ALPL: variants seen among roughly 807,000 people sequenced by gnomAD.
ALPL encodes the protein alkaline phosphatase, biomineralization associated, also known as alkaline phosphatase, tissue-nonspecific isozyme.
A neutral mutation model predicts 51.3 loss-of-function variants in ALPL; 42 were observed. That is an observed-to-expected ratio of 0.82 (90% CI 0.64 to 1.06). ALPL has a LOEUF of 1.06. Among genes scored for constraint, ALPL ranks in the 50% least tolerant of loss-of-function variants. ALPL has a pLI of 0.00. For synonymous variants in ALPL, 279 were observed against 296.4 expected, an observed-to-expected ratio of 0.94 and a Z score of 0.60; for missense variants, 589 against 709.4, an observed-to-expected ratio of 0.83 and a Z score of 1.93.
intron 8 of ALPL, among the ~76,000 whole-genome samples, chr1:21,571,491 T>C (rs1644647352): frequency 1.3e-5 from 2 of 149,626 alleles, no homozygotes. Flanking sequence ...GCTAACGAGG[T>C]GAAACCCCAT....
At chr1:21,574,103 C>G (rs546009801) in intron 9 of ALPL, 1 of 985,462 alleles carries the variant, frequency 1.0e-6, no homozygotes, top group South Asian at 4.7e-5. Flanking sequence ...GGGCAAGCAG[C>G]CCCTCAGCCT....
chr1:21,556,329 T>C (rs915302906), intron 2 of ALPL, among the ~76,000 whole-genome samples: 5 of 152,182 alleles, frequency 3.3e-5, no homozygotes, highest in Non-Finnish European at 7.4e-5. Context: ...TTAAAACAGC[T>C]TCAGCAGACC....
chr1:21,555,695 G>A (rs759230846), intron 2 of ALPL, among the ~76,000 whole-genome samples: 5 of 152,082 alleles, frequency 3.3e-5, no homozygotes, highest in Non-Finnish European at 7.4e-5. Context: ...TGGGATTACA[G>A]GTGTGAGCCA....
intron 1 of ALPL, among the ~76,000 whole-genome samples, chr1:21,517,446 C>T (rs942049370): frequency 6.6e-6 from 1 of 152,188 alleles, no homozygotes; most frequent in South Asian, 2.1e-4. Context: ...GCTCTCAGGG[C>T]ACCTTGTGGT....
chr1:21,553,934 A>C (rs934251201), intron 1 of ALPL, 44 bp from the exon 2 acceptor site: 3 of 723,954 alleles, frequency 4.1e-6, no homozygotes, highest in Non-Finnish European at 7.6e-6. Flanking sequence ...GGATCTCTAG[A>C]GCTGTGCCCC....
intron 11 of ALPL, among the ~76,000 whole-genome samples, 167 bp from the exon 12 acceptor site, chr1:21,577,216 G>A (rs1430707019): frequency 6.6e-6 from 1 of 152,194 alleles, no homozygotes; most frequent in Non-Finnish European, 1.5e-5. Context: ...ACAGGCTCAG[G>A]TTCAAATCCC....
At chr1:21,576,171 C>T (rs1558557674) in intron 10 of ALPL, among the ~76,000 whole-genome samples, 2 of 149,634 alleles carry the variant, frequency 1.3e-5, no homozygotes, top group Admixed American at 6.7e-5. Context: ...TGGGCGAGAA[C>T]GTGGATAGAT....
chr1:21,533,349 A>G (rs942811758), intron 1 of ALPL, among the ~76,000 whole-genome samples: 2 of 152,238 alleles, frequency 1.3e-5, no homozygotes, highest in Non-Finnish European at 2.9e-5. Flanking sequence ...TTGTTTCACC[A>G]CTATACAGAC....
intron 1 of ALPL, among the ~76,000 whole-genome samples, chr1:21,522,141 G>T (rs577102154): frequency 6.7e-6 from 1 of 149,402 alleles, no homozygotes; most frequent in Non-Finnish European, 1.5e-5. Context: ...GCGCAATCTC[G>T]GCTCACTACA....
intron 1 of ALPL, among the ~76,000 whole-genome samples, chr1:21,543,907 G>C (rs958511458): frequency 6.6e-6 from 1 of 152,202 alleles, no homozygotes; most frequent in Non-Finnish European, 1.5e-5. Context: ...GAGCCTTGGA[G>C]GGTGTCCTTG....
At chr1:21,576,299 A>G (rs372812388) in intron 10 of ALPL, among the ~76,000 whole-genome samples, 3 of 150,238 alleles carry the variant, frequency 2.0e-5, no homozygotes, top group South Asian at 4.3e-4. Context: ...GGATGGATGG[A>G]TGGATGGGTG....
intron 9 of ALPL, 135 bp downstream of exon 9, chr1:21,573,934 G>A: frequency 6.7e-7 from 1 of 1,496,190 alleles, no homozygotes; most frequent in Non-Finnish European, 8.9e-7. Context: ...AATAGGTTGT[G>A]GAAGGAGACG....
At chr1:21,526,058 G>A (rs1296248025) in intron 1 of ALPL, among the ~76,000 whole-genome samples, 1 of 152,220 alleles carries the variant, frequency 6.6e-6, no homozygotes, top group Non-Finnish European at 1.5e-5. Flanking sequence ...AGCCCTAGGT[G>A]GTAGAGGATG....
chr1:21,555,568 C>T (rs770772629), intron 2 of ALPL, among the ~76,000 whole-genome samples: 3 of 152,098 alleles, frequency 2.0e-5, no homozygotes, highest in Non-Finnish European at 4.4e-5. Flanking sequence ...AGGCGTGCGC[C>T]GCAACACCCG....
chr1:21,520,745 G>A (rs1023728253), intron 1 of ALPL, among the ~76,000 whole-genome samples: 3 of 152,042 alleles, frequency 2.0e-5, no homozygotes, highest in Non-Finnish European at 2.9e-5. Context: ...CACGGTGCCC[G>A]GCCGAAAGCC....
intron 1 of ALPL, among the ~76,000 whole-genome samples, chr1:21,526,585 A>C (rs1170429203): frequency 6.6e-6 from 1 of 152,080 alleles, no homozygotes; most frequent in East Asian, 1.9e-4. Context: ...TTTCATTTCT[A>C]AGTGTAGGGG....
chr1:21,530,382 A>G (rs549489133), intron 1 of ALPL, among the ~76,000 whole-genome samples: 160 of 152,218 alleles, frequency 1.1e-3, no homozygotes, highest in African/African-American at 3.6e-3. Context: ...CTGTTCTTTA[A>G]CTTGTGAGCT....
At chr1:21,567,130 G>A (rs940196096) in intron 6 of ALPL, among the ~76,000 whole-genome samples, 2 of 152,194 alleles carry the variant, frequency 1.3e-5, no homozygotes, top group Non-Finnish European at 2.9e-5. Flanking sequence ...GAGACAGAGT[G>A]GAGGATAGAG....
At chr1:21,521,294 C>T (rs939339284) in intron 1 of ALPL, among the ~76,000 whole-genome samples, 3 of 152,160 alleles carry the variant, frequency 2.0e-5, no homozygotes, top group African/African-American at 7.2e-5. Context: ...AAGCGATTCT[C>T]CTGCCTTGGC....
Sources: allele counts gnomAD v4.1 joint callset (sites outside exome capture counted in the v4.1 genomes callset), GRCh38; gene constraint gnomAD v4.1.1; transcripts MANE v1.5; gene names NCBI Gene and HGNC (gene_info 2026-07-23, HGNC 2026-07-21).